DNAI4: variants seen among roughly 807,000 people sequenced by gnomAD.
DNAI4 encodes the protein dynein axonemal intermediate chain 4.
DNAI4 carries 85 observed loss-of-function variants against 105.8 expected under a neutral mutation model. That is an observed-to-expected ratio of 0.80 (90% CI 0.67 to 0.96). The LOEUF is 0.96. Among genes scored for constraint, DNAI4 ranks in the 40% least tolerant of loss-of-function variants. DNAI4 has a pLI of 0.00. For missense variants in DNAI4, 1,014 were observed against 1,005.6 expected, an observed-to-expected ratio of 1.01 and a Z score of -0.11; for synonymous variants, 352 against 331.5, an observed-to-expected ratio of 1.06 and a Z score of -0.67.
chr1:66,837,676 A>G (rs1384743876), intron 10 of DNAI4, 34 bp downstream of exon 10: 4 of 1,575,098 alleles, frequency 2.5e-6, no homozygotes, highest in Non-Finnish European at 2.6e-6. Flanking sequence ...GTCAACAGCC[A>G]GATAAAAATG....
intron 7 of DNAI4, among the ~76,000 whole-genome samples, chr1:66,856,958 A>G (rs1488422562): frequency 6.6e-6 from 1 of 151,994 alleles, no homozygotes; most frequent in Non-Finnish European, 1.5e-5. Context: ...ACCTAAAGCA[A>G]GCAGAAAAAA....
At chr1:66,912,002 T>C (rs1649693281) in intron 1 of DNAI4, among the ~76,000 whole-genome samples, 1 of 152,106 alleles carries the variant, frequency 6.6e-6, no homozygotes, top group South Asian at 2.1e-4. Context: ...TCACCACACC[T>C]AGCTAATTTT....
At chr1:66,837,633 A>G in intron 10 of DNAI4, 77 bp downstream of exon 10, 1 of 1,397,214 alleles carries the variant, frequency 7.2e-7, no homozygotes, top group Non-Finnish European at 9.8e-7. Context: ...TTATTTAATT[A>G]TTACATGTAA....
chr1:66,869,283 T>C, intron 6 of DNAI4, among the ~76,000 whole-genome samples: 1 of 151,986 alleles, frequency 6.6e-6, no homozygotes, highest in Non-Finnish European at 1.5e-5. Context: ...TTCCCATTTC[T>C]TTGAGTTAAT....
intron 7 of DNAI4, among the ~76,000 whole-genome samples, chr1:66,852,615 T>A (rs1425968759): frequency 6.6e-6 from 1 of 151,298 alleles, no homozygotes; most frequent in Non-Finnish European, 1.5e-5. Flanking sequence ...TGAAAAAAAA[T>A]CACATGATCA....
At chr1:66,874,447 A>G (rs1646918823) in intron 5 of DNAI4, among the ~76,000 whole-genome samples, 1 of 152,152 alleles carries the variant, frequency 6.6e-6, no homozygotes, top group Admixed American at 6.5e-5. Flanking sequence ...AATGATTTAT[A>G]TATGTATAAA....
chr1:66,825,981 T>A (rs1367652319), intron 15 of DNAI4, among the ~76,000 whole-genome samples: 4 of 152,210 alleles, frequency 2.6e-5, no homozygotes, highest in African/African-American at 9.6e-5. Context: ...TATTTCAACA[T>A]TGTATTAAGT....
chr1:66,857,003 A>G (rs1646515570), intron 7 of DNAI4, among the ~76,000 whole-genome samples: 1 of 152,068 alleles, frequency 6.6e-6, no homozygotes, highest in Non-Finnish European at 1.5e-5. Flanking sequence ...CAAAAACAAA[A>G]CATCATTAGA....
At chr1:66,902,997 T>G (rs1648947951) in intron 2 of DNAI4, among the ~76,000 whole-genome samples, 1 of 152,242 alleles carries the variant, frequency 6.6e-6, no homozygotes, top group Non-Finnish European at 1.5e-5. Context: ...ACTTTGTTCT[T>G]CTTATTCAAG....
rs984906087 is a variant in DNAI4 at position 66,821,961 on chromosome 1, A to C, written c.2496+400T>G. On this transcript the variant is annotated intron_variant, in intron 16 of 16. Transcript: ENST00000371026. ...ATGATAATGCTAATCCAACAGAAAT[A>C]AATGCCCATTTCAGGAACATTGGAA... 5.3e-5 allele frequency among the ~76,000 whole-genome samples: 8 copies of C among 152,188 alleles called. No individual in the cohort carries two copies. In the East Asian group the frequency reaches 5.8e-4, roughly 11 times the overall value.
At chr1:66,869,519 C>T (rs1646798097) in intron 6 of DNAI4, among the ~76,000 whole-genome samples, 1 of 152,040 alleles carries the variant, frequency 6.6e-6, no homozygotes, top group South Asian at 2.1e-4. Context: ...CCCTTTACTA[C>T]ATATTAATAT....
At chr1:66,822,212 C>A in intron 16 of DNAI4, 149 bp downstream of exon 16, 1 of 575,452 alleles carries the variant, frequency 1.7e-6, no homozygotes, top group Non-Finnish European at 2.7e-6. Flanking sequence ...TAGTAGGCAC[C>A]ATGTATAGAA....
chr1:66,821,084 C>T (rs1645614757), intron 16 of DNAI4, among the ~76,000 whole-genome samples: 1 of 136,680 alleles, frequency 7.3e-6, no homozygotes, highest in Non-Finnish European at 1.5e-5. Flanking sequence ...ATTCTCTAAA[C>T]ATTTCTCTTT....
At chr1:66,923,541 A>G (rs1650730644) in intron 1 of DNAI4, among the ~76,000 whole-genome samples, 1 of 152,226 alleles carries the variant, frequency 6.6e-6, no homozygotes, top group African/African-American at 2.4e-5. Flanking sequence ...AAAGCTTTTC[A>G]AAGATCGAGA....
chr1:66,892,948 GAGAAGA>G (rs1488930930), intron 3 of DNAI4, among the ~76,000 whole-genome samples: 2 of 65,966 alleles, frequency 3.0e-5, no homozygotes, highest in Non-Finnish European at 6.0e-5. Flanking sequence ...AGAGAAGAAA[GAGAAGA>G]AAGAAAGAAA....
chr1:66,882,198 A>G (rs376123387), intron 4 of DNAI4, among the ~76,000 whole-genome samples: 1 of 152,210 alleles, frequency 6.6e-6, no homozygotes, highest in East Asian at 1.9e-4. Context: ...TATGAATTGT[A>G]TATGTACTTT....
chr1:66,880,314 C>A (rs756480705), intron 4 of DNAI4, among the ~76,000 whole-genome samples: 4 of 152,144 alleles, frequency 2.6e-5, no homozygotes, highest in Non-Finnish European at 5.9e-5. Flanking sequence ...GGATAACAGA[C>A]AGAGGTTGGA....
intron 4 of DNAI4, among the ~76,000 whole-genome samples, chr1:66,879,461 T>C (rs1280982588): frequency 6.6e-6 from 1 of 152,262 alleles, no homozygotes; most frequent in African/African-American, 2.4e-5. Flanking sequence ...GCTTCTAGTC[T>C]TCTGCATTGA....
intron 11 of DNAI4, among the ~76,000 whole-genome samples, chr1:66,834,551 T>C (rs1217854027): frequency 1.3e-5 from 2 of 152,114 alleles, no homozygotes; most frequent in Non-Finnish European, 2.9e-5. Context: ...TGAATTAAGT[T>C]GTTAATCATT....
Sources: allele counts gnomAD v4.1 joint callset (sites outside exome capture counted in the v4.1 genomes callset), GRCh38; gene constraint gnomAD v4.1.1; transcripts MANE v1.5; gene names NCBI Gene and HGNC (gene_info 2026-07-23, HGNC 2026-07-21).